The following ARMC9 variants were observed in gnomAD, a reference collection of about 807,000 sequenced individuals.
ARMC9 encodes the protein armadillo repeat containing 9, also known as lisH domain-containing protein ARMC9.
In ARMC9, 94 loss-of-function variants were observed where a neutral mutation model predicts 107.0. The ratio of observed to expected loss-of-function variants is 0.88; its 90% CI spans 0.74 to 1.04. The LOEUF (loss-of-function observed/expected upper bound fraction) is 1.04, where lower values mean the gene tolerates loss of function less well. Among genes scored for constraint, ARMC9 ranks in the 50% least tolerant of loss-of-function variants. The pLI is 0.00. For synonymous variants in ARMC9, 380 were observed against 396.9 expected, an observed-to-expected ratio of 0.96 and a Z score of 0.51; for missense variants, 942 against 1,030.1, an observed-to-expected ratio of 0.91 and a Z score of 1.17.
chr2:231,258,639 C>T (rs142109960), intron 10 of ARMC9, among the ~76,000 whole-genome samples: 1 of 152,286 alleles, frequency 6.6e-6, no homozygotes, highest in East Asian at 1.9e-4. Flanking sequence ...AAATTCTAAA[C>T]AGAACTTCAG....
At chr2:231,250,793 C>T (rs2125393811) in intron 9 of ARMC9, among the ~76,000 whole-genome samples, 1 of 152,176 alleles carries the variant, frequency 6.6e-6, no homozygotes, top group Non-Finnish European at 1.5e-5. Context: ...GGAGGAGAGA[C>T]CTGAAGCAGG....
At chr2:231,244,364 CTTTTTTTTTT>C (rs780440851) in intron 9 of ARMC9, among the ~76,000 whole-genome samples, 1 of 129,908 alleles carries the variant, frequency 7.7e-6, no homozygotes, top group Middle Eastern at 3.9e-3. Context: ...GAATGTGGAT[CTTTTTTTTTT>C]TTTTTTTTTT....
At chr2:231,308,180 C>T (rs529901813) in intron 19 of ARMC9, among the ~76,000 whole-genome samples, 37 of 152,342 alleles carry the variant, frequency 2.4e-4, no homozygotes, top group Middle Eastern at 3.4e-3. Flanking sequence ...GAGCTTAGTG[C>T]GGCAACACAG....
intron 9 of ARMC9, among the ~76,000 whole-genome samples, chr2:231,254,479 T>C (rs2037575092): frequency 6.6e-6 from 1 of 152,060 alleles, no homozygotes; most frequent in South Asian, 2.1e-4. Flanking sequence ...GAAAATCACA[T>C]ACCCTTTGAT....
intron 7 of ARMC9, among the ~76,000 whole-genome samples, chr2:231,227,289 C>T (rs1399942541): frequency 1.3e-5 from 2 of 152,086 alleles, no homozygotes; most frequent in East Asian, 3.8e-4. Context: ...TTTCCATGGT[C>T]AATTGTTTTT....
intron 19 of ARMC9, among the ~76,000 whole-genome samples, chr2:231,325,040 A>G (rs1180693571): frequency 6.6e-6 from 1 of 152,172 alleles, no homozygotes; most frequent in Non-Finnish European, 1.5e-5. Context: ...CCTGGGCAAC[A>G]TGGAAAAACC....
intron 4 of ARMC9, among the ~76,000 whole-genome samples, chr2:231,215,559 T>C (rs545806100): frequency 6.6e-6 from 1 of 152,308 alleles, no homozygotes; most frequent in East Asian, 1.9e-4. Context: ...GAGTGATAGG[T>C]TGAATTTAGC....
intron 20 of ARMC9, among the ~76,000 whole-genome samples, chr2:231,337,173 A>T (rs1389790154): frequency 6.7e-6 from 1 of 148,714 alleles, no homozygotes; most frequent in African/African-American, 2.5e-5. Flanking sequence ...TTTTCAGTCT[A>T]TTATTCCTGC....
At chr2:231,214,736 G>A in intron 3 of ARMC9, 95 bp from the exon 4 acceptor site, 1 of 1,263,154 alleles carries the variant, frequency 7.9e-7, no homozygotes, top group South Asian at 1.4e-5. Flanking sequence ...CCACTGAAAA[G>A]GAGTATATGG....
chr2:231,357,456 G>A (rs535110793), intron 22 of ARMC9, among the ~76,000 whole-genome samples: 22 of 152,276 alleles, frequency 1.4e-4, no homozygotes, highest in African/African-American at 3.6e-4. Context: ...ACGGACCCAC[G>A]CAGCCCTGCC....
At chr2:231,221,706 C>A (rs1368767575) in intron 5 of ARMC9, among the ~76,000 whole-genome samples, 2 of 151,148 alleles carry the variant, frequency 1.3e-5, no homozygotes, top group Admixed American at 1.3e-4. Context: ...GGCTTGGTGA[C>A]CCTCGACCCA....
intron 13 of ARMC9, among the ~76,000 whole-genome samples, chr2:231,271,888 G>A (rs2039354276): frequency 6.6e-6 from 1 of 152,168 alleles, no homozygotes; most frequent in African/African-American, 2.4e-5. Context: ...TGTACAGAGA[G>A]TGTGTATGGA....
intron 23 of ARMC9, among the ~76,000 whole-genome samples, chr2:231,367,173 A>G (rs2045852756): frequency 6.6e-6 from 1 of 152,104 alleles, no homozygotes; most frequent in Non-Finnish European, 1.5e-5. Flanking sequence ...TTAAAAAATT[A>G]TTTTTAATAA....
At chr2:231,205,941 C>T (rs913338052) in intron 1 of ARMC9, among the ~76,000 whole-genome samples, 10 of 152,204 alleles carry the variant, frequency 6.6e-5, no homozygotes, top group African/African-American at 2.4e-4. Context: ...CGTCTGCCCC[C>T]CTCCCTCTGC....
At chr2:231,277,376 C>T (rs901840982) in intron 15 of ARMC9, among the ~76,000 whole-genome samples, 4 of 152,074 alleles carry the variant, frequency 2.6e-5, no homozygotes, top group Non-Finnish European at 5.9e-5. Context: ...TGTGGCTTTC[C>T]CCAGCCTGAG....
chr2:231,220,441 A>G (rs2033998421), intron 5 of ARMC9, among the ~76,000 whole-genome samples: 3 of 151,970 alleles, frequency 2.0e-5, no homozygotes, highest in Admixed American at 1.3e-4. Context: ...TACTAAAAAT[A>G]CAAAAATTAG....
At chr2:231,294,929 G>A (rs1287167024) in intron 18 of ARMC9, 2 of 152,244 alleles carry the variant, frequency 1.3e-5, no homozygotes, top group South Asian at 2.1e-4. Context: ...TGAGCAGGGG[G>A]ACACTTTGGT....
At chr2:231,221,944 A>G (rs533379876) in intron 5 of ARMC9, among the ~76,000 whole-genome samples, 56 of 151,926 alleles carry the variant, frequency 3.7e-4, no homozygotes, top group African/African-American at 1.3e-3. Flanking sequence ...AGGAGGGTAC[A>G]GAGCTGGAGA....
intron 9 of ARMC9, among the ~76,000 whole-genome samples, chr2:231,251,205 C>T (rs926870277): frequency 9.2e-5 from 14 of 151,944 alleles, no homozygotes; most frequent in Non-Finnish European, 1.8e-4. Context: ...CTGGCTCTGT[C>T]ACCCAGGCTG....
Sources: gnomAD v4.1 joint callset for allele counts (sites outside exome capture counted in the v4.1 genomes callset) on GRCh38, gnomAD v4.1.1 for gene constraint, MANE v1.5 for transcripts, NCBI Gene and HGNC (gene_info 2026-07-23, HGNC 2026-07-21) for gene names.